Variants in RNF216 observed in about 807,000 individuals in gnomAD.
The protein encoded by RNF216 is ring finger protein 216, also known as E3 ubiquitin-protein ligase RNF216.
A neutral mutation model predicts 110.8 loss-of-function variants in RNF216; 72 were observed. That is an observed-to-expected ratio of 0.65 (90% CI 0.54 to 0.79). The LOEUF is 0.79. Ranked by LOEUF, RNF216 falls within the 30% of genes least tolerant of loss-of-function variation. The pLI is 0.00. For synonymous variants in RNF216, 495 were observed against 407.5 expected (o/e 1.21, Z -2.59); for missense variants, 1,342 against 1,141.2 (o/e 1.18, Z -2.54).
chr7:5,686,288 G>A (rs1790981850), intron 13 of RNF216, among the ~76,000 whole-genome samples: 1 of 150,150 alleles, frequency 6.7e-6, no homozygotes, highest in Non-Finnish European at 1.5e-5. Flanking sequence ...CACCACTGCT[G>A]CCACGTGGTT....
At chr7:5,711,235 G>A (rs1040099407) in intron 13 of RNF216, among the ~76,000 whole-genome samples, 1 of 152,202 alleles carries the variant, frequency 6.6e-6, no homozygotes, top group East Asian at 1.9e-4. Context: ...CAACAGTAAT[G>A]CACCTAGACA....
At chr7:5,721,979 G>C (rs746672320) in intron 8 of RNF216, among the ~76,000 whole-genome samples, 19 of 152,232 alleles carry the variant, frequency 1.2e-4, no homozygotes, top group Non-Finnish European at 2.4e-4. Context: ...CTGGAGTGCA[G>C]TGGCACATTC....
chr7:5,724,633 T>G (rs1250059968), intron 8 of RNF216, among the ~76,000 whole-genome samples: 1 of 152,204 alleles, frequency 6.6e-6, no homozygotes, highest in African/African-American at 2.4e-5. Context: ...CCTGAAAAGT[T>G]CATAGTAAAT....
At chr7:5,657,822 C>G (rs1788841597) in intron 13 of RNF216, among the ~76,000 whole-genome samples, 1 of 152,122 alleles carries the variant, frequency 6.6e-6, no homozygotes, top group Non-Finnish European at 1.5e-5. Context: ...ATGCTGCAAC[C>G]CCTGAGAATC....
chr7:5,688,910 A>C (rs1198752482), intron 13 of RNF216, among the ~76,000 whole-genome samples: 2 of 152,242 alleles, frequency 1.3e-5, no homozygotes, highest in Non-Finnish European at 2.9e-5. Flanking sequence ...TATAAAGTTT[A>C]AGTCTGAACT....
chr7:5,747,034 T>G (rs1313953842), intron 3 of RNF216, among the ~76,000 whole-genome samples: 1 of 152,166 alleles, frequency 6.6e-6, no homozygotes, highest in Non-Finnish European at 1.5e-5. Context: ...ACAGATAAAC[T>G]AATGTAACTC....
At chr7:5,707,635 T>G (rs1792375587) in intron 13 of RNF216, among the ~76,000 whole-genome samples, 1 of 152,032 alleles carries the variant, frequency 6.6e-6, no homozygotes, top group African/African-American at 2.4e-5. Flanking sequence ...CTTCCAGTGT[T>G]ATATAGCATG....
intron 5 of RNF216, among the ~76,000 whole-genome samples, chr7:5,736,900 G>A (rs1474155883): frequency 6.6e-6 from 1 of 152,018 alleles, no homozygotes; most frequent in African/African-American, 2.4e-5. Context: ...CCCCGTCCGG[G>A]AAGTGAGGAG....
chr7:5,736,569 G>C (rs979515854), intron 5 of RNF216, among the ~76,000 whole-genome samples: 2 of 151,974 alleles, frequency 1.3e-5, no homozygotes, highest in African/African-American at 4.8e-5. Context: ...GAGCGTCTCT[G>C]CCTGGCCGCC....
chr7:5,730,081 T>G (rs913422040), intron 6 of RNF216, among the ~76,000 whole-genome samples: 1 of 152,214 alleles, frequency 6.6e-6, no homozygotes, highest in African/African-American at 2.4e-5. Context: ...TGAGATCTGG[T>G]TAAACAGATG....
intron 9 of RNF216, among the ~76,000 whole-genome samples, chr7:5,720,480 G>A (rs1044392688): frequency 2.6e-5 from 4 of 152,080 alleles, no homozygotes. Flanking sequence ...TCCTGTCAAC[G>A]GTAGGCTGTT....
chr7:5,719,948 T>C (rs549100842), intron 9 of RNF216, among the ~76,000 whole-genome samples: 24 of 152,350 alleles, frequency 1.6e-4, no homozygotes, highest in Non-Finnish European at 2.8e-4. Context: ...ACACAGAATA[T>C]TGAAAAGATG....
intron 13 of RNF216, among the ~76,000 whole-genome samples, chr7:5,658,168 G>A (rs1445996286): frequency 3.9e-5 from 6 of 152,152 alleles, no homozygotes. Flanking sequence ...TGAGTAATCA[G>A]AACCTCCATG....
intron 9 of RNF216, 79 bp from the exon 10 acceptor site, chr7:5,716,845 A>G: frequency 1.8e-6 from 2 of 1,108,492 alleles, no homozygotes; most frequent in Non-Finnish European, 2.7e-6. Flanking sequence ...ATTTCCATAA[A>G]CATAACTCCA....
chr7:5,704,767 G>A (rs756223636), intron 13 of RNF216, among the ~76,000 whole-genome samples: 17 of 152,150 alleles, frequency 1.1e-4, no homozygotes, highest in Non-Finnish European at 1.9e-4. Context: ...GGTGGTCACT[G>A]AGCCAGCTCC....
At chr7:5,698,942 A>C (rs2128619543) in intron 13 of RNF216, among the ~76,000 whole-genome samples, 1 of 152,356 alleles carries the variant, frequency 6.6e-6, no homozygotes, top group South Asian at 2.1e-4. Flanking sequence ...GGGTCTTTCC[A>C]GTCCCCAAGA....
intron 5 of RNF216, among the ~76,000 whole-genome samples, chr7:5,735,844 C>G (rs1794364533): frequency 6.6e-6 from 1 of 152,150 alleles, no homozygotes; most frequent in Admixed American, 6.5e-5. Context: ...CCTGTAATCC[C>G]AGCACTTTGG....
chr7:5,639,559 G>A (rs1787606804), intron 15 of RNF216, among the ~76,000 whole-genome samples: 3 of 151,958 alleles, frequency 2.0e-5, no homozygotes, highest in Non-Finnish European at 4.4e-5. Context: ...CGCCTCCTGG[G>A]TTCAAGCAAT....
chr7:5,676,283 C>T (rs1203334152), intron 13 of RNF216, among the ~76,000 whole-genome samples: 1 of 152,088 alleles, frequency 6.6e-6, no homozygotes, highest in Non-Finnish European at 1.5e-5. Context: ...AAGTGGGAGG[C>T]ATTGACCACC....
Sources: allele counts gnomAD v4.1 joint callset (sites outside exome capture counted in the v4.1 genomes callset), GRCh38; gene constraint gnomAD v4.1.1; transcripts MANE v1.5; gene names NCBI Gene and HGNC (gene_info 2026-07-23, HGNC 2026-07-21).